The following CRIM1 variants were observed in gnomAD, a reference collection of about 807,000 sequenced individuals.
The protein encoded by CRIM1 is cysteine-rich motor neuron 1 protein.
Under a neutral mutation model 116.4 loss-of-function variants are expected in CRIM1, and 32 were observed. The observed-to-expected ratio is 0.27, with a 90% CI of 0.21 to 0.37. The LOEUF is 0.37. CRIM1 is among the 10% of genes least tolerant of loss of function. The pLI, the probability that CRIM1 is intolerant of heterozygous loss-of-function variation, is 1.00. For missense variants in CRIM1, 1,331 were observed against 1,354.8 expected (o/e 0.98, Z 0.28); for synonymous variants, 590 against 509.2 (o/e 1.16, Z -2.13).
chr2:36,503,651 A>G (rs1681169824), intron 8 of CRIM1, among the ~76,000 whole-genome samples: 1 of 151,190 alleles, frequency 6.6e-6, no homozygotes, highest in Non-Finnish European at 1.5e-5. Flanking sequence ...CTCAAATATT[A>G]TCTTTCTCCT....
At chr2:36,456,779 AC>A (rs554750273) in intron 4 of CRIM1, among the ~76,000 whole-genome samples, 20 of 144,178 alleles carry the variant, frequency 1.4e-4, no homozygotes, top group African/African-American at 3.4e-4. Flanking sequence ...GTCTGTCTCC[AC>A]CCCCCCACCA....
At chr2:36,528,038 A>G (rs1242918653) in intron 13 of CRIM1, among the ~76,000 whole-genome samples, 2 of 152,238 alleles carry the variant, frequency 1.3e-5, no homozygotes, top group Non-Finnish European at 2.9e-5. Context: ...GTGCTTCACA[A>G]AAGTGCCAAG....
chr2:36,549,034 A>G lies in CRIM1; in HGVS notation c.*333A>G, dbSNP rs1314452486. On this transcript the variant is annotated 3_prime_UTR_variant, in exon 17 of 17. Coordinates refer to ENST00000280527, the MANE Select transcript of CRIM1 (RefSeq NM_016441.3). ...GGTGGGAGGGTGGTGTTGGGAAGAA[A>G]AATTGGTCAGCTTGGCTCGGGGAGA... The G allele has an allele frequency of 5.8e-6, 1 of 171,470 alleles. No individual in the cohort carries two copies. Among genetic ancestry groups the G allele is most frequent in the Non-Finnish European group, 1.2e-5 (1 of 80,602 alleles). 10.6% of individuals were successfully genotyped at this position (171,470 alleles called of 1,614,324 possible).
At chr2:36,364,947 C>G (rs1380549689) in intron 1 of CRIM1, among the ~76,000 whole-genome samples, 1 of 151,996 alleles carries the variant, frequency 6.6e-6, no homozygotes, top group East Asian at 1.9e-4. Context: ...TTCCCATTTT[C>G]CTCTTTGTTA....
At chr2:36,506,133 G>GCACACACA (rs142839402) in intron 8 of CRIM1, among the ~76,000 whole-genome samples, 17 of 136,530 alleles carry the variant, frequency 1.2e-4, no homozygotes, top group Admixed American at 5.9e-4. Context: ...ATTGCAGGGT[G>GCACACACA]CACACACACA....
intron 11 of CRIM1, among the ~76,000 whole-genome samples, chr2:36,514,532 T>A (rs541792484): frequency 3.3e-5 from 5 of 152,234 alleles, no homozygotes; most frequent in Admixed American, 6.5e-5. Flanking sequence ...CACAGAAAGA[T>A]TGACTGTCTT....
At position 36,440,056 on chromosome 2, in the gene CRIM1, G is replaced by A. The variant is rs540997316; in HGVS notation, c.506-1202G>A. ...GAAGAGGAAAGATACAGCAATCAAG[G>A]TAGAAAATGACTAGAGGAACAGGCA... On this transcript the variant is annotated intron_variant, in intron 2 of 16. Transcript: ENST00000280527. 3.3e-5 allele frequency among the ~76,000 whole-genome samples: 5 copies of A among 152,246 alleles called. No homozygotes were observed. The East Asian group carries it at 9.7e-4, about 29-fold the overall frequency.
rs996942022 is a variant in CRIM1 at position 36,550,511 on chromosome 2, T to C, written c.*1810T>C. ...GTAAAGGAACTTTCAAGTATTGTTG[T>C]AAATACTTGGACAGAGGTTGCTGAA... is the stretch of plus-strand genomic sequence containing the variant. On this transcript the variant is annotated 3_prime_UTR_variant, in exon 17 of 17. Coordinates refer to ENST00000280527, the MANE Select transcript of CRIM1 (RefSeq NM_016441.3). 1 of 152,568 alleles carries C rather than the reference T, an allele frequency of 6.6e-6. No homozygotes were observed. The highest frequency in any genetic ancestry group is 2.4e-5 in the African/African-American group (1 of 41,434). 9.5% of individuals were successfully genotyped at this position (152,568 alleles called of 1,614,324 possible).
At chr2:36,435,176 G>A (rs902712513) in intron 2 of CRIM1, among the ~76,000 whole-genome samples, 2 of 152,172 alleles carry the variant, frequency 1.3e-5, no homozygotes, top group African/African-American at 2.4e-5. Context: ...AGAGGGAGGT[G>A]TCGGAAAAAA....
At chr2:36,444,559 G>C (rs948789309) in intron 4 of CRIM1, among the ~76,000 whole-genome samples, 1 of 152,196 alleles carries the variant, frequency 6.6e-6, no homozygotes, top group Non-Finnish European at 1.5e-5. Context: ...TTTGACTTCA[G>C]CATTCAAAAA....
chr2:36,417,725 G>A (rs938831515), intron 2 of CRIM1, among the ~76,000 whole-genome samples: 3 of 152,174 alleles, frequency 2.0e-5, no homozygotes, highest in Non-Finnish European at 4.4e-5. Flanking sequence ...AATAAGGTAC[G>A]GCCCGAACTC....
chr2:36,389,037 A>G (rs1011844192), intron 1 of CRIM1, among the ~76,000 whole-genome samples: 3 of 152,244 alleles, frequency 2.0e-5, no homozygotes, highest in Non-Finnish European at 4.4e-5. Flanking sequence ...ACACTTTAGT[A>G]TTCCATTGTT....
At chr2:36,361,286 A>C (rs1039064376) in intron 1 of CRIM1, among the ~76,000 whole-genome samples, 3 of 152,222 alleles carry the variant, frequency 2.0e-5, no homozygotes, top group African/African-American at 7.2e-5. Context: ...TCTCCAAGCA[A>C]GAGGTTGGCA....
rs1048171967 is a variant in CRIM1 at position 36,540,473 on chromosome 2, A to C, written c.2623+2927A>C. 3.3e-5 allele frequency among the ~76,000 whole-genome samples: 5 copies of C among 152,302 alleles called. No individual in the cohort carries two copies. In the East Asian group the frequency reaches 9.6e-4, roughly 29 times the overall value. On this transcript the variant is annotated intron_variant, in intron 14 of 16. Coordinates refer to ENST00000280527, the MANE Select transcript of CRIM1 (RefSeq NM_016441.3). The stretch of plus-strand genomic sequence containing the variant: ...AGATGTGCTGTCTTCATTGGAGTGA[A>C]GAGGATAACCCAACCAAGACCTGAG...
intron 1 of CRIM1, among the ~76,000 whole-genome samples, chr2:36,367,776 T>A (rs1669693666): frequency 6.6e-6 from 1 of 152,206 alleles, no homozygotes; most frequent in Non-Finnish European, 1.5e-5. Context: ...AAGCGTAGTA[T>A]TGGGAAGTTA....
Position 36,482,324 on chromosome 2 carries a change from TAAG to T in CRIM1, c.1372+2633_1372+2635del, listed in dbSNP as rs761174496. Among the ~76,000 whole-genome samples the T allele has an allele frequency of 2.4e-3, 370 of 152,268 alleles. 2 individuals are homozygous for T. The highest frequency in any genetic ancestry group is 6.2e-3 in the Admixed American group (94 of 15,280). On this transcript the variant is annotated intron_variant, in intron 7 of 16. Transcript: ENST00000280527. ...CTTTCATTTTAAGATGTATTAATAA[TAAG>T]AACACAGATTATTTTAGTATAGGAT...
At chr2:36,407,050 CATT>C (rs1672864025) in intron 2 of CRIM1, among the ~76,000 whole-genome samples, 1 of 152,150 alleles carries the variant, frequency 6.6e-6, no homozygotes, top group Non-Finnish European at 1.5e-5. Context: ...TCAGGGATCT[CATT>C]ATCATCAAGG....
At chr2:36,432,649 T>C (rs1468742626) in intron 2 of CRIM1, among the ~76,000 whole-genome samples, 1 of 152,118 alleles carries the variant, frequency 6.6e-6, no homozygotes, top group Non-Finnish European at 1.5e-5. Flanking sequence ...CCAGGAAGAT[T>C]CCAGGGAACA....
chr2:36,480,903 G>C (rs1572838937), intron 7 of CRIM1, among the ~76,000 whole-genome samples: 1 of 152,086 alleles, frequency 6.6e-6, no homozygotes, highest in Non-Finnish European at 1.5e-5. Flanking sequence ...GAAAAAAAAA[G>C]AGCATGTAGA....
Sources: gnomAD v4.1 joint callset for allele counts (sites outside exome capture counted in the v4.1 genomes callset) on GRCh38, gnomAD v4.1.1 for gene constraint, MANE v1.5 for transcripts, NCBI Gene and HGNC (gene_info 2026-07-23, HGNC 2026-07-21) for gene names.